The following CAPZB variants were observed in gnomAD, a reference collection of about 807,000 sequenced individuals.
CAPZB encodes capping actin protein of muscle Z-line subunit beta, also known as F-actin-capping protein subunit beta.
CAPZB carries 2 observed loss-of-function variants against 38.1 expected under a neutral mutation model. That is an observed-to-expected ratio of 0.05 (90% CI 0.02 to 0.17). CAPZB has a LOEUF of 0.17. Ranked by LOEUF, CAPZB falls within the 10% of genes least tolerant of loss-of-function variation. The pLI is 1.00. For missense variants in CAPZB, 161 were observed against 334.2 expected, an observed-to-expected ratio of 0.48 and a Z score of 4.04; for synonymous variants, 107 against 127.4, an observed-to-expected ratio of 0.84 and a Z score of 1.08.
At chr1:19,461,241 G>C (rs546701298) in intron 1 of CAPZB, among the ~76,000 whole-genome samples, 16 of 152,278 alleles carry the variant, frequency 1.1e-4, no homozygotes, top group South Asian at 8.3e-4. Flanking sequence ...TAGTAAGCAG[G>C]GGGTGGAGCC....
intron 4 of CAPZB, among the ~76,000 whole-genome samples, chr1:19,372,628 A>G (rs752207540): frequency 1.3e-5 from 2 of 152,244 alleles, no homozygotes; most frequent in Non-Finnish European, 2.9e-5. Flanking sequence ...CTCCCAAGAA[A>G]GATCACTTAG....
intron 2 of CAPZB, among the ~76,000 whole-genome samples, chr1:19,399,822 T>C (rs1296747993): frequency 6.6e-6 from 1 of 152,206 alleles, no homozygotes; most frequent in African/African-American, 2.4e-5. Context: ...AGTGTTGACA[T>C]CCTACGAAGT....
intron 2 of CAPZB, among the ~76,000 whole-genome samples, chr1:19,407,045 T>G (rs918634429): frequency 6.6e-6 from 1 of 152,208 alleles, no homozygotes; most frequent in Non-Finnish European, 1.5e-5. Context: ...TCAATGCTCC[T>G]AACCAAGCAT....
chr1:19,474,756 G>A (rs1356406871), intron 1 of CAPZB, among the ~76,000 whole-genome samples: 2 of 152,104 alleles, frequency 1.3e-5, no homozygotes, highest in Non-Finnish European at 2.9e-5. Context: ...TGCGGGTGAC[G>A]AGGAGCATCT....
At chr1:19,449,224 C>A in intron 1 of CAPZB, 1 of 1,125,632 alleles carries the variant, frequency 8.9e-7, no homozygotes, top group Non-Finnish European at 1.1e-6. Flanking sequence ...AAGCCGGAAC[C>A]AGGACAACAG....
chr1:19,471,175 T>C (rs996484259), intron 1 of CAPZB, among the ~76,000 whole-genome samples: 13 of 152,220 alleles, frequency 8.5e-5, no homozygotes, highest in Admixed American at 7.2e-4. Context: ...GCTACGTGCA[T>C]GTGGTATTCT....
intron 2 of CAPZB, among the ~76,000 whole-genome samples, chr1:19,396,467 A>G (rs1321843018): frequency 2.6e-5 from 4 of 152,106 alleles, no homozygotes; most frequent in Non-Finnish European, 4.4e-5. Flanking sequence ...GAAGGTGTGC[A>G]CCCACTGGGC....
intron 2 of CAPZB, among the ~76,000 whole-genome samples, chr1:19,404,611 AC>A (rs2094321730): frequency 6.6e-6 from 1 of 151,218 alleles, no homozygotes; most frequent in Non-Finnish European, 1.5e-5. Context: ...ATCTGAGCTC[AC>A]CTCACAGTCC....
In CAPZB at chr1:19,463,873, T is replaced by C. The variant is rs190601476; in HGVS notation, c.3+21563A>G. On this transcript the variant is annotated intron_variant, in intron 1 of 8. Coordinates refer to ENST00000264202, the MANE Select transcript of CAPZB (RefSeq NM_004930.5). The stretch of plus-strand genomic sequence containing the variant: ...ATGAAATATATTTGTATTTGCTTGT[T>C]ATGCCTAAAGAAATGAGGACAGCAG... Among the ~76,000 whole-genome samples the C allele has an allele frequency of 4.6e-3, 700 of 152,230 alleles. 4 individuals are homozygous for C. The highest frequency in any genetic ancestry group is 7.6e-3 in the Non-Finnish European group (519 of 68,012).
intron 4 of CAPZB, among the ~76,000 whole-genome samples, chr1:19,359,800 G>A (rs1369123725): frequency 1.3e-5 from 2 of 152,218 alleles, no homozygotes; most frequent in East Asian, 3.8e-4. Flanking sequence ...ACACACCTGT[G>A]AGGCCCAGAG....
intron 4 of CAPZB, 128 bp downstream of exon 4, chr1:19,378,412 C>G (rs2094154364): frequency 3.1e-6 from 2 of 653,360 alleles, no homozygotes; most frequent in Non-Finnish European, 2.8e-6. Flanking sequence ...AGGGAGAATG[C>G]TTGGCCGGGT....
At chr1:19,451,663 C>T (rs1257726692) in intron 1 of CAPZB, among the ~76,000 whole-genome samples, 1 of 151,968 alleles carries the variant, frequency 6.6e-6, no homozygotes, top group African/African-American at 2.4e-5. Context: ...AAACATGTGG[C>T]TACTCAGAGA....
At chr1:19,367,085 G>A (rs1569984500) in intron 4 of CAPZB, among the ~76,000 whole-genome samples, 1 of 152,238 alleles carries the variant, frequency 6.6e-6, no homozygotes, top group Non-Finnish European at 1.5e-5. Context: ...TCAAAAAGAA[G>A]CTGAGCGCAT....
chr1:19,353,428 T>C (rs570582799), intron 6 of CAPZB, among the ~76,000 whole-genome samples: 1 of 146,762 alleles, frequency 6.8e-6, no homozygotes, highest in African/African-American at 2.5e-5. Context: ...GTCCAGCCCC[T>C]GACCACGCCA....
intron 8 of CAPZB, among the ~76,000 whole-genome samples, chr1:19,343,736 C>T (rs1234636939): frequency 6.6e-6 from 1 of 152,232 alleles, no homozygotes; most frequent in South Asian, 2.1e-4. Flanking sequence ...GTCCAGAGAG[C>T]GCCCGGCTTT....
intron 6 of CAPZB, among the ~76,000 whole-genome samples, chr1:19,345,951 C>T (rs1398991879): frequency 6.6e-6 from 1 of 152,210 alleles, no homozygotes; most frequent in Non-Finnish European, 1.5e-5. Context: ...CAAGCCCCAT[C>T]TCCTCTTCCC....
intron 2 of CAPZB, among the ~76,000 whole-genome samples, chr1:19,418,746 A>G (rs1412616180): frequency 6.6e-6 from 1 of 152,240 alleles, no homozygotes; most frequent in African/African-American, 2.4e-5. Flanking sequence ...CTCTCCTAGC[A>G]GTCATATATT....
chr1:19,407,381 A>G (rs2094337206), intron 2 of CAPZB, among the ~76,000 whole-genome samples: 1 of 152,164 alleles, frequency 6.6e-6, no homozygotes, highest in Admixed American at 6.5e-5. Flanking sequence ...ACAGAGGCCC[A>G]TCACTGGGAG....
chr1:19,485,334 A>G, intron 1 of CAPZB, 102 bp downstream of exon 1: 1 of 831,880 alleles, frequency 1.2e-6, no homozygotes, highest in Non-Finnish European at 1.6e-6. Context: ...CCCCTCCCCC[A>G]CCCCGGGAAG....
Sources: allele counts gnomAD v4.1 joint callset (sites outside exome capture counted in the v4.1 genomes callset), GRCh38; gene constraint gnomAD v4.1.1; transcripts MANE v1.5; gene names NCBI Gene and HGNC (gene_info 2026-07-23, HGNC 2026-07-21).